Variants in RRAS2 observed in about 807,000 individuals in gnomAD.
The protein encoded by RRAS2 is RAS related 2, also known as ras-related protein R-Ras2.
Under a neutral mutation model 27.6 loss-of-function variants are expected in RRAS2, and 7 were observed. The observed-to-expected ratio is 0.25, with a 90% CI of 0.14 to 0.48. The LOEUF (loss-of-function observed/expected upper bound fraction) is 0.48, where lower values mean the gene tolerates loss of function less well. RRAS2 is among the 20% of genes least tolerant of loss of function. The pLI is 0.99. For missense variants in RRAS2, 178 were observed against 256.2 expected, an observed-to-expected ratio of 0.69 and a Z score of 2.08; for synonymous variants, 86 against 90.9, an observed-to-expected ratio of 0.95 and a Z score of 0.31.
At chr11:14,317,406 C>T (rs536803700) in intron 1 of RRAS2, among the ~76,000 whole-genome samples, 40 of 152,172 alleles carry the variant, frequency 2.6e-4, no homozygotes, top group Non-Finnish European at 5.1e-4. Flanking sequence ...ATGGTGAAAC[C>T]CCATCTTTAC....
In RRAS2 at chr11:14,358,728, C is replaced by T; in HGVS notation, c.108+35G>A. ...GGTAGCGCCAGCCCCCGCCCGCCGCCGCTCCGGCGCCCCGGGCAGGCCCGC... is the reference window on the plus strand; with the variant it reads ...GGTAGCGCCAGCCCCCGCCCGCCGCTGCTCCGGCGCCCCGGGCAGGCCCGC... On this transcript the variant is annotated intron_variant, in intron 1 of 5. Coordinates refer to ENST00000256196, the MANE Select transcript of RRAS2 (RefSeq NM_012250.6). The surrounding 1 kb of genome is among the most constrained non-coding windows in gnomAD (Gnocchi z 5.1). 8.0e-7 allele frequency: 1 copy of T among 1,245,018 alleles called. No homozygotes were observed. The highest frequency in any genetic ancestry group is 2.5e-5 in the South Asian group (1 of 39,550). The allele number at this position is 1,245,018 out of a possible 1,614,324, so 77.1% of individuals were successfully genotyped here.
chr11:14,361,241 C>T (rs1212484034), upstream of RRAS2, among the ~76,000 whole-genome samples: 1 of 151,166 alleles, frequency 6.6e-6, no homozygotes, highest in African/African-American at 2.4e-5. Context: ...GAGCCAAGAT[C>T]GTGAGATCAC....
At chr11:14,333,831 C>T (rs568672916) in intron 1 of RRAS2, among the ~76,000 whole-genome samples, 9 of 152,100 alleles carry the variant, frequency 5.9e-5, no homozygotes, top group South Asian at 2.1e-4. Flanking sequence ...GACGGGTTTT[C>T]GCCATGTTGC....
intron 1 of RRAS2, among the ~76,000 whole-genome samples, chr11:14,315,882 C>T (rs1030823141): frequency 2.0e-5 from 3 of 152,082 alleles, no homozygotes; most frequent in Admixed American, 6.5e-5. Flanking sequence ...AAATTAAATC[C>T]ACATTTTAGG....
At chr11:14,336,390 A>G (rs1848590020) in intron 1 of RRAS2, among the ~76,000 whole-genome samples, 1 of 152,344 alleles carries the variant, frequency 6.6e-6, no homozygotes, top group East Asian at 1.9e-4. Context: ...TGACAAAAAG[A>G]CAATCGACAG....
intron 4 of RRAS2, among the ~76,000 whole-genome samples, chr11:14,293,699 T>G (rs1248582992): frequency 5.3e-5 from 8 of 152,186 alleles, no homozygotes; most frequent in Admixed American, 5.2e-4. Flanking sequence ...CCCAGCCATG[T>G]GAAACTGTGA....
chr11:14,328,809 C>A (rs1848422163), intron 1 of RRAS2, among the ~76,000 whole-genome samples: 1 of 151,958 alleles, frequency 6.6e-6, no homozygotes, highest in African/African-American at 2.4e-5. Context: ...GGATTAGAGG[C>A]ATGCGCCACT....
upstream of RRAS2, among the ~76,000 whole-genome samples, chr11:14,363,984 C>T (rs1554956434): frequency 2.6e-5 from 4 of 152,102 alleles, no homozygotes; most frequent in Admixed American, 1.3e-4. Flanking sequence ...GCAGTAGAAT[C>T]GCTTGAACCC....
intron 1 of RRAS2, among the ~76,000 whole-genome samples, chr11:14,340,476 C>A (rs1287790150): frequency 6.6e-6 from 1 of 151,998 alleles, no homozygotes; most frequent in Non-Finnish European, 1.5e-5. Context: ...GTTTAAGAAT[C>A]CCTACATTAA....
At chr11:14,301,086 A>G (rs1041986004) in intron 1 of RRAS2, among the ~76,000 whole-genome samples, 2 of 152,154 alleles carry the variant, frequency 1.3e-5, no homozygotes, top group Non-Finnish European at 2.9e-5. Context: ...CATTCTCAGG[A>G]AAGTCGTAGG....
chr11:14,287,118 C>A (rs1482369938), intron 4 of RRAS2, among the ~76,000 whole-genome samples: 1 of 152,206 alleles, frequency 6.6e-6, no homozygotes, highest in Non-Finnish European at 1.5e-5. Flanking sequence ...TTTGGAAGCA[C>A]CTTCTCAGAG....
At chr11:14,313,122 T>C (rs1159320650) in intron 1 of RRAS2, among the ~76,000 whole-genome samples, 2 of 152,234 alleles carry the variant, frequency 1.3e-5, no homozygotes, top group Non-Finnish European at 2.9e-5. Context: ...ACATGATTCA[T>C]ATCAAAAGGA....
At chr11:14,319,859 C>A (rs1848188821) in intron 1 of RRAS2, among the ~76,000 whole-genome samples, 1 of 152,028 alleles carries the variant, frequency 6.6e-6, no homozygotes, top group South Asian at 2.1e-4. Flanking sequence ...GTTGTGTGAT[C>A]AAAACAACAA....
chr11:14,304,713 T>A (rs140228915), intron 1 of RRAS2, among the ~76,000 whole-genome samples: 1 of 152,204 alleles, frequency 6.6e-6, no homozygotes, highest in African/African-American at 2.4e-5. Flanking sequence ...TAGTTAGCCA[T>A]TGGTAGCCTC....
chr11:14,302,174 A>T (rs917542598), intron 1 of RRAS2, among the ~76,000 whole-genome samples: 3 of 150,996 alleles, frequency 2.0e-5, no homozygotes, highest in African/African-American at 7.3e-5. Flanking sequence ...TGCTCAGCTC[A>T]CCCCTTACCC....
At chr11:14,360,532 C>T (rs1849178199), upstream of RRAS2, among the ~76,000 whole-genome samples, 1 of 152,106 alleles carries the variant, frequency 6.6e-6, no homozygotes. Context: ...TCCCTAGCAG[C>T]TGGGACTACA....
At chr11:14,306,164 AC>A (rs1847824655) in intron 1 of RRAS2, among the ~76,000 whole-genome samples, 1 of 151,846 alleles carries the variant, frequency 6.6e-6, no homozygotes, top group African/African-American at 2.4e-5. Context: ...GATGTTGAGT[AC>A]CTTTTTGTGT....
At chr11:14,310,513 G>A (rs1197247400) in intron 1 of RRAS2, among the ~76,000 whole-genome samples, 2 of 152,166 alleles carry the variant, frequency 1.3e-5, no homozygotes, top group African/African-American at 4.8e-5. Context: ...GAGGCCAAGA[G>A]AAGAAAATAA....
Position 14,358,394 on chromosome 11 carries a change from A to C in RRAS2, c.108+369T>G, listed in dbSNP as rs1849128110. On this transcript the variant is annotated intron_variant, in intron 1 of 5. Coordinates refer to ENST00000256196, the MANE Select transcript of RRAS2 (RefSeq NM_012250.6). This position sits in a 1 kb window ranked among gnomAD's most constrained non-coding sequence, Gnocchi z 5.1. The stretch of plus-strand genomic sequence containing the variant: ...CTGGAAAAGCAGCGCGCGGGGCTCC[A>C]GCTCCAGCCCCACGCCCGGACCCTC... 1 of 985,364 alleles carries C rather than the reference A, an allele frequency of 1.0e-6. No individual in the cohort carries two copies. The highest frequency in any genetic ancestry group is 1.2e-6 in the Non-Finnish European group (1 of 830,030). 61.0% of individuals were successfully genotyped at this position (985,364 alleles called of 1,614,324 possible).
Sources: allele counts gnomAD v4.1 joint callset (sites outside exome capture counted in the v4.1 genomes callset), GRCh38; gene constraint gnomAD v4.1.1; non-coding constraint Gnocchi (gnomAD v3.1); transcripts MANE v1.5; gene names NCBI Gene and HGNC (gene_info 2026-07-23, HGNC 2026-07-21).